The following MTUS2 variants were observed in gnomAD, a reference collection of about 807,000 sequenced individuals.
MTUS2 encodes microtubule associated scaffold protein 2.
MTUS2 carries 40 observed loss-of-function variants against 114.1 expected under a neutral mutation model. The observed-to-expected ratio is 0.35, with a 90% CI of 0.27 to 0.46. The LOEUF is 0.46. Ranked by LOEUF, MTUS2 falls within the 20% of genes least tolerant of loss-of-function variation. The probability of loss-of-function intolerance (pLI) is 1.00; values close to 1 mark genes in which losing one functional copy is unlikely to be tolerated. For synonymous variants in MTUS2, 688 were observed against 672.0 expected (o/e 1.02, Z -0.37); for missense variants, 1,679 against 1,705.4 (o/e 0.98, Z 0.27).
At chr13:29,039,576 G>C (rs1292110239) in intron 4 of MTUS2, among the ~76,000 whole-genome samples, 1 of 152,196 alleles carries the variant, frequency 6.6e-6, no homozygotes, top group Non-Finnish European at 1.5e-5. Flanking sequence ...GGCAGAGGGG[G>C]CCTAGCAGCT....
chr13:29,344,385 C>T (rs1055237481), intron 7 of MTUS2, among the ~76,000 whole-genome samples: 2 of 151,984 alleles, frequency 1.3e-5, no homozygotes, highest in Non-Finnish European at 2.9e-5. Flanking sequence ...TGGACTAGTC[C>T]TTTTATCATT....
intron 5 of MTUS2, among the ~76,000 whole-genome samples, chr13:29,157,812 A>T: frequency 6.8e-6 from 1 of 147,976 alleles, no homozygotes; most frequent in Non-Finnish European, 1.5e-5. Context: ...ATAGATACAG[A>T]TATAGATGTA....
At chr13:29,271,693 CA>C (rs1897887344) in intron 5 of MTUS2, among the ~76,000 whole-genome samples, 7 of 152,198 alleles carry the variant, frequency 4.6e-5, no homozygotes, top group Non-Finnish European at 1.5e-5. Context: ...ACAATAACAT[CA>C]GCCAGCATTT....
At chr13:29,343,867 G>A (rs1197067096) in intron 7 of MTUS2, among the ~76,000 whole-genome samples, 1 of 152,006 alleles carries the variant, frequency 6.6e-6, no homozygotes, top group Non-Finnish European at 1.5e-5. Flanking sequence ...TTATCATTTG[G>A]TTCAAAGAAT....
intron 5 of MTUS2, among the ~76,000 whole-genome samples, chr13:29,217,805 A>G (rs1381082019): frequency 6.6e-6 from 1 of 152,184 alleles, no homozygotes; most frequent in Non-Finnish European, 1.5e-5. Context: ...AAGATTTTAA[A>G]TTCTTTTTTG....
At chr13:29,333,229 C>T (rs1900882469) in intron 7 of MTUS2, among the ~76,000 whole-genome samples, 1 of 152,018 alleles carries the variant, frequency 6.6e-6, no homozygotes, top group Non-Finnish European at 1.5e-5. Context: ...TACAGTGTCA[C>T]TGTTGTTGCC....
At chr13:28,958,459 C>A (rs1441294618) in intron 2 of MTUS2, among the ~76,000 whole-genome samples, 1 of 152,200 alleles carries the variant, frequency 6.6e-6, no homozygotes, top group Non-Finnish European at 1.5e-5. Context: ...GATGTTGGAG[C>A]AGCCTAAATT....
At chr13:28,899,430 G>A (rs1879496896) in intron 2 of MTUS2, among the ~76,000 whole-genome samples, 1 of 151,924 alleles carries the variant, frequency 6.6e-6, no homozygotes, top group South Asian at 2.1e-4. Context: ...TTTTTTTTGA[G>A]ACATAGTCTC....
intron 5 of MTUS2, among the ~76,000 whole-genome samples, chr13:29,222,447 A>G (rs1895944480): frequency 1.3e-5 from 2 of 152,234 alleles, no homozygotes; most frequent in Non-Finnish European, 1.5e-5. Flanking sequence ...TTATATTAAA[A>G]TTATTCTTCG....
At chr13:29,389,634 C>T (rs867459722) in intron 8 of MTUS2, among the ~76,000 whole-genome samples, 1 of 105,510 alleles carries the variant, frequency 9.5e-6, no homozygotes, top group Non-Finnish European at 1.9e-5. Context: ...TATGTATACA[C>T]ATATGTGTAT....
chr13:29,440,075 G>A (rs918451931), intron 9 of MTUS2, 26 bp downstream of exon 9: 8 of 1,560,088 alleles, frequency 5.1e-6, no homozygotes, highest in Non-Finnish European at 7.0e-6. Flanking sequence ...ACAATGAGGA[G>A]CATAAAGAAT....
intron 5 of MTUS2, among the ~76,000 whole-genome samples, chr13:29,199,650 T>C (rs1159009059): frequency 6.6e-6 from 1 of 152,172 alleles, no homozygotes; most frequent in Admixed American, 6.5e-5. Flanking sequence ...CCTGAAATTT[T>C]CTTTTTTTGT....
At chr13:29,215,475 T>G (rs1895639058) in intron 5 of MTUS2, among the ~76,000 whole-genome samples, 1 of 4,636 alleles carries the variant, frequency 2.2e-4, no homozygotes, top group Admixed American at 2.1e-3. Flanking sequence ...TTTTTTGCTG[T>G]TTTTTTTTTT....
chr13:29,246,934 CA>C (rs1430855269), intron 5 of MTUS2, among the ~76,000 whole-genome samples: 4 of 150,426 alleles, frequency 2.7e-5, no homozygotes, highest in Non-Finnish European at 5.9e-5. Flanking sequence ...CATATGGAGC[CA>C]AAAAAGAGCC....
intron 5 of MTUS2, among the ~76,000 whole-genome samples, chr13:29,153,181 C>G (rs1013561688): frequency 3.3e-5 from 5 of 152,144 alleles, no homozygotes; most frequent in African/African-American, 1.2e-4. Context: ...TTTCTGATGG[C>G]TCTTGACACT....
At chr13:28,965,437 A>G (rs1883535780) in intron 2 of MTUS2, among the ~76,000 whole-genome samples, 1 of 152,162 alleles carries the variant, frequency 6.6e-6, no homozygotes, top group African/African-American at 2.4e-5. Context: ...ATAGGTTGTA[A>G]CACTGGTTAT....
chr13:29,452,896 A>G (rs548544245), intron 9 of MTUS2, among the ~76,000 whole-genome samples: 1 of 152,318 alleles, frequency 6.6e-6, no homozygotes, highest in South Asian at 2.1e-4. Flanking sequence ...TTGGGACTCC[A>G]TAAATCTAAT....
intron 2 of MTUS2, among the ~76,000 whole-genome samples, chr13:28,953,987 A>G (rs1882937208): frequency 6.6e-6 from 1 of 152,256 alleles, no homozygotes; most frequent in South Asian, 2.1e-4. Flanking sequence ...TGTGATAGAC[A>G]AATGTGTCAA....
chr13:29,265,110 A>G (rs1344790225), intron 5 of MTUS2, among the ~76,000 whole-genome samples: 1 of 152,076 alleles, frequency 6.6e-6, no homozygotes, highest in East Asian at 1.9e-4. Flanking sequence ...AGGCTGTTAC[A>G]AGCAGCCACG....
Sources: allele counts gnomAD v4.1 joint callset (sites outside exome capture counted in the v4.1 genomes callset), GRCh38; gene constraint gnomAD v4.1.1; transcripts MANE v1.5; gene names NCBI Gene and HGNC (gene_info 2026-07-23, HGNC 2026-07-21).